MPP7: variants seen among roughly 807,000 people sequenced by gnomAD.
The protein encoded by MPP7 is MAGUK p55 scaffold protein 7.
In MPP7, 60 loss-of-function variants were observed where a neutral mutation model predicts 76.5. That is an observed-to-expected ratio of 0.78 (90% CI 0.64 to 0.97). The LOEUF is 0.97. Among genes scored for constraint, MPP7 ranks in the 50% least tolerant of loss-of-function variants. MPP7 has a pLI of 0.00. For synonymous variants in MPP7, 237 were observed against 244.5 expected, an observed-to-expected ratio of 0.97 and a Z score of 0.29; for missense variants, 641 against 694.0, an observed-to-expected ratio of 0.92 and a Z score of 0.86.
chr10:28,137,488 T>G (rs1835385812), intron 5 of MPP7, among the ~76,000 whole-genome samples: 1 of 152,242 alleles, frequency 6.6e-6, no homozygotes, highest in Admixed American at 6.5e-5. Flanking sequence ...TGTTTTTAAA[T>G]GAAGCAATTA....
chr10:28,319,501 AC>A (rs1211343325), intron 2 of MPP7, among the ~76,000 whole-genome samples: 1 of 151,670 alleles, frequency 6.6e-6, no homozygotes, highest in East Asian at 1.9e-4. Flanking sequence ...ACATGGCAAA[AC>A]CCCGTCTCTA....
chr10:28,213,427 C>T (rs1293101949), intron 2 of MPP7, among the ~76,000 whole-genome samples: 2 of 152,142 alleles, frequency 1.3e-5, no homozygotes, highest in South Asian at 2.1e-4. Context: ...AAGATTGTTT[C>T]GCTATTTTCA....
In MPP7 at chr10:28,125,073, CCTT is replaced by C. The variant is rs1303632160; in HGVS notation, c.463_465del (p.Lys155del). ...ACAATGATCGCCCCGGTCTGTTCAT[CCTT>C]CTTAATGGTAGCTCCCTTTTAAGAC... On this transcript the variant is annotated inframe_deletion, in exon 7 of 17. Transcript: ENST00000683449. 6.2e-7 allele frequency: 1 copy of C among 1,613,986 alleles called. No homozygotes were observed. The highest frequency in any genetic ancestry group is 1.1e-5 in the South Asian group (1 of 91,082).
chr10:28,126,960 T>TA (rs1835036748), intron 6 of MPP7, among the ~76,000 whole-genome samples: 1 of 152,138 alleles, frequency 6.6e-6, no homozygotes, highest in Admixed American at 6.5e-5. Context: ...AACAGTTGTG[T>TA]AAATGAAGGA....
chr10:28,255,951 A>G (rs565671232), intron 1 of MPP7, among the ~76,000 whole-genome samples: 1 of 152,214 alleles, frequency 6.6e-6, no homozygotes, highest in Admixed American at 6.5e-5. Context: ...CTTCCTTTAT[A>G]CTTAGTGAAA....
intron 10 of MPP7, among the ~76,000 whole-genome samples, 196 bp downstream of exon 10, chr10:28,119,998 T>G (rs1834780964): frequency 6.6e-6 from 1 of 152,124 alleles, no homozygotes; most frequent in Non-Finnish European, 1.5e-5. Flanking sequence ...AAAAATCTAA[T>G]ATGACCCAGT....
chr10:28,325,055 G>C (rs762690932), intron 2 of MPP7, among the ~76,000 whole-genome samples: 1 of 152,046 alleles, frequency 6.6e-6, no homozygotes, highest in Non-Finnish European at 1.5e-5. Context: ...ACTTTACCTG[G>C]CTAATTTTAA....
At chr10:28,148,615 TTAC>T (rs1366806456) in intron 4 of MPP7, among the ~76,000 whole-genome samples, 2 of 152,188 alleles carry the variant, frequency 1.3e-5, no homozygotes, top group African/African-American at 4.8e-5. Context: ...AAACACTGCT[TTAC>T]TTTTTTGAGG....
At chr10:28,203,054 G>A (rs554426156) in intron 2 of MPP7, 4 of 152,330 alleles carry the variant, frequency 2.6e-5, no homozygotes, top group South Asian at 4.1e-4. Context: ...TGTTGCAACA[G>A]TGCCTGCCCG....
chr10:28,282,033 C>G (rs374833886), intron 1 of MPP7: 2 of 152,084 alleles, frequency 1.3e-5, no homozygotes, highest in African/African-American at 4.8e-5. Context: ...CACAATGAGG[C>G]TTTTGGCCTT....
intron 2 of MPP7, among the ~76,000 whole-genome samples, chr10:28,213,980 AG>A (rs1352404131): frequency 6.6e-6 from 1 of 152,138 alleles, no homozygotes; most frequent in African/African-American, 2.4e-5. Context: ...TTACAGCTCT[AG>A]GTGGCCGAGA....
intron 3 of MPP7, among the ~76,000 whole-genome samples, chr10:28,168,045 T>C (rs1836544223): frequency 6.6e-6 from 1 of 152,200 alleles, no homozygotes. Flanking sequence ...GAGACCAGCC[T>C]GGGCAACATG....
intron 12 of MPP7, among the ~76,000 whole-genome samples, chr10:28,078,632 A>G (rs1161887817): frequency 4.6e-5 from 7 of 152,234 alleles, no homozygotes; most frequent in Non-Finnish European, 1.0e-4. Context: ...AAAATATTTC[A>G]TAAGAATTTA....
At chr10:28,306,685 ATGATAGATAATAGATAGTT>A (rs1408141004), upstream of MPP7, among the ~76,000 whole-genome samples, 11 of 150,170 alleles carry the variant, frequency 7.3e-5, no homozygotes, top group Non-Finnish European at 1.6e-4. Context: ...AGAGAGAGAG[ATGATAGATAATAGATAGTT>A]GATAGATAGA....
At chr10:28,118,177 C>G in intron 11 of MPP7, 1 of 984,954 alleles carries the variant, frequency 1.0e-6, no homozygotes, top group African/African-American at 1.7e-5. Context: ...CATACACACA[C>G]AAACAAACAC....
intron 3 of MPP7, among the ~76,000 whole-genome samples, chr10:28,150,385 T>C (rs1029243678): frequency 3.9e-5 from 6 of 152,234 alleles, no homozygotes; most frequent in African/African-American, 1.4e-4. Flanking sequence ...GTGATGTCTA[T>C]TATATCTAAA....
chr10:28,270,601 C>T (rs985381910), intron 1 of MPP7, among the ~76,000 whole-genome samples: 2 of 150,144 alleles, frequency 1.3e-5, no homozygotes, highest in Non-Finnish European at 3.0e-5. Flanking sequence ...GGGAAAGGCA[C>T]GTGTGCCTAC....
upstream of MPP7, among the ~76,000 whole-genome samples, chr10:28,306,664 T>TAG (rs772241963): frequency 2.5e-3 from 105 of 41,268 alleles, no homozygotes; most frequent in Middle Eastern, 0.023. Context: ...AGATGATAGA[T>TAG]AGATAGAGAG....
At chr10:28,258,691 C>T (rs919605419) in intron 1 of MPP7, among the ~76,000 whole-genome samples, 8 of 151,900 alleles carry the variant, frequency 5.3e-5, no homozygotes, top group South Asian at 4.2e-4. Flanking sequence ...TGAGCCACCG[C>T]GCCTGGCCTA....
Sources: allele counts gnomAD v4.1 joint callset (sites outside exome capture counted in the v4.1 genomes callset), GRCh38; gene constraint gnomAD v4.1.1; transcripts MANE v1.5; gene names NCBI Gene and HGNC (gene_info 2026-07-23, HGNC 2026-07-21).